FILIP1: variants seen among roughly 807,000 people sequenced by gnomAD.
FILIP1 encodes filamin-A-interacting protein 1.
A neutral mutation model predicts 102.1 loss-of-function variants in FILIP1; 61 were observed. The observed-to-expected ratio is 0.60, with a 90% CI of 0.49 to 0.74. The LOEUF (loss-of-function observed/expected upper bound fraction) is 0.74. FILIP1 is among the 30% of genes least tolerant of loss of function. The pLI is 0.00. For synonymous variants in FILIP1, 491 were observed against 526.9 expected (o/e 0.93, Z 0.93); for missense variants, 1,314 against 1,441.2 (o/e 0.91, Z 1.43).
chr6:75,463,404 G>A (rs1418944405), intron 1 of FILIP1, among the ~76,000 whole-genome samples: 1 of 152,060 alleles, frequency 6.6e-6, no homozygotes, highest in African/African-American at 2.4e-5. Flanking sequence ...AAACTAAAGA[G>A]AAAGAAAAAT....
chr6:75,429,151 A>G (rs907304421), intron 1 of FILIP1, among the ~76,000 whole-genome samples: 1 of 152,130 alleles, frequency 6.6e-6, no homozygotes, highest in African/African-American at 2.4e-5. Context: ...TTCATGTTTC[A>G]ATTTAGAAAA....
chr6:75,292,755 C>G (rs1772573779), exon 7 of FILIP1: 1 of 152,126 alleles, frequency 6.6e-6, no homozygotes, highest in African/African-American at 2.4e-5. Context: ...TGTTGCTCAT[C>G]AGATTCATTA....
rs183836559 is a variant in FILIP1 at position 75,338,724 on chromosome 6, C to T, written c.629+14815G>A. Among the ~76,000 whole-genome samples the T allele has an allele frequency of 2.6e-5, 4 of 152,268 alleles. No homozygotes were observed. In the East Asian group the frequency reaches 7.7e-4, roughly 29 times the overall value. ...ATGTCTGCCAATTTAGAGCAGAATT[C>T]CCAGAGTTTTTTATTCCAGAAGAAT... On this transcript the variant is annotated intron_variant, in intron 4 of 5. Transcript: ENST00000237172.
chr6:75,343,582 G>A (rs1774483541), intron 4 of FILIP1, among the ~76,000 whole-genome samples: 1 of 152,114 alleles, frequency 6.6e-6, no homozygotes. Flanking sequence ...AACAAAAATT[G>A]GATCCACTTG....
downstream of FILIP1, among the ~76,000 whole-genome samples, chr6:75,307,904 G>A (rs1199085578): frequency 6.6e-6 from 1 of 152,076 alleles, no homozygotes; most frequent in East Asian, 1.9e-4. Flanking sequence ...AGCTATAAAA[G>A]GCCATTTGGC....
At chr6:75,431,042 T>C (rs1777806056) in intron 1 of FILIP1, among the ~76,000 whole-genome samples, 1 of 152,206 alleles carries the variant, frequency 6.6e-6, no homozygotes, top group Non-Finnish European at 1.5e-5. Context: ...ATAATAAGAC[T>C]ACACTCTGAG....
At chr6:75,295,680 A>G in exon 7 of FILIP1, 2 of 357,022 alleles carry the variant, frequency 5.6e-6, no homozygotes, top group Non-Finnish European at 1.0e-5. Context: ...TTGCAAAAAG[A>G]AATTTCTTTT....
At chr6:75,484,733 T>C (rs987424735) in intron 1 of FILIP1, among the ~76,000 whole-genome samples, 2 of 152,184 alleles carry the variant, frequency 1.3e-5, no homozygotes, top group African/African-American at 4.8e-5. Context: ...TCCTTTTGGT[T>C]TCCTGTAAGG....
At chr6:75,322,787 G>A (rs76547642) in intron 4 of FILIP1, among the ~76,000 whole-genome samples, 10,903 of 152,082 alleles carry the variant, frequency 0.072, 444 homozygotes, top group African/African-American at 0.098. Context: ...TCAGCCTCCC[G>A]GGTTAAAATG....
At chr6:75,342,276 T>C (rs1774440029) in intron 4 of FILIP1, among the ~76,000 whole-genome samples, 1 of 152,188 alleles carries the variant, frequency 6.6e-6, no homozygotes, top group South Asian at 2.1e-4. Flanking sequence ...GATCAGATAA[T>C]CCTCTGAAGG....
downstream of FILIP1, among the ~76,000 whole-genome samples, chr6:75,304,070 A>AAT (rs1173701951): frequency 1.3e-5 from 2 of 152,052 alleles, no homozygotes; most frequent in Non-Finnish European, 2.9e-5. Flanking sequence ...CATTTGGAAA[A>AAT]ATATATATAT....
At chr6:75,414,239 T>C (rs1777174815) in intron 2 of FILIP1, among the ~76,000 whole-genome samples, 1 of 151,890 alleles carries the variant, frequency 6.6e-6, no homozygotes, top group Non-Finnish European at 1.5e-5. Context: ...GCAATAAGGC[T>C]GGTTTCAACA....
At chr6:75,473,132 A>G (rs1019621933) in intron 1 of FILIP1, among the ~76,000 whole-genome samples, 2 of 152,198 alleles carry the variant, frequency 1.3e-5, no homozygotes, top group South Asian at 4.1e-4. Context: ...TAAATTTGAG[A>G]AGATCATATG....
chr6:75,304,983 G>A (rs1307636967), downstream of FILIP1, among the ~76,000 whole-genome samples: 1 of 152,172 alleles, frequency 6.6e-6, no homozygotes, highest in Non-Finnish European at 1.5e-5. Context: ...AAGGAGACTG[G>A]GCAGTAGCTA....
At chr6:75,428,187 A>G (rs187766317) in intron 1 of FILIP1, among the ~76,000 whole-genome samples, 193 of 152,222 alleles carry the variant, frequency 1.3e-3, no homozygotes, top group African/African-American at 4.5e-3. Context: ...TCTCAGTCCA[A>G]TATTACTTTC....
Position 75,488,471 on chromosome 6 carries a change from C to A in FILIP1, c.-7+4943G>T, listed in dbSNP as rs537404358. Among the ~76,000 whole-genome samples the A allele has an allele frequency of 2.0e-5, 3 of 151,672 alleles. No homozygotes were observed. The South Asian group carries it at 6.2e-4, about 32-fold the overall frequency. ...AAAAAAAAAAACATAATCCAATATA[C>A]TTTCCTGAGGTTTCTATATTTTTGC... On this transcript the variant is annotated intron_variant, in intron 1 of 5. Coordinates refer to ENST00000237172, the MANE Select transcript of FILIP1 (RefSeq NM_015687.5).
chr6:75,454,184 T>C (rs1432335358), intron 1 of FILIP1, among the ~76,000 whole-genome samples: 1 of 152,214 alleles, frequency 6.6e-6, no homozygotes. Flanking sequence ...AGCAGGATTA[T>C]GGTCCTTACA....
intron 2 of FILIP1, among the ~76,000 whole-genome samples, chr6:75,402,971 T>G (rs889580650): frequency 1.3e-5 from 2 of 152,176 alleles, no homozygotes; most frequent in Non-Finnish European, 1.5e-5. Flanking sequence ...AACAATGATA[T>G]GCCTAACCCT....
At chr6:75,321,204 A>G (rs1773640527) in intron 4 of FILIP1, among the ~76,000 whole-genome samples, 1 of 152,114 alleles carries the variant, frequency 6.6e-6, no homozygotes, top group African/African-American at 2.4e-5. Flanking sequence ...CATTGTGCCC[A>G]GACTGTTGTC....
Sources: gnomAD v4.1 joint callset for allele counts (sites outside exome capture counted in the v4.1 genomes callset) on GRCh38, gnomAD v4.1.1 for gene constraint, MANE v1.5 for transcripts, NCBI Gene and HGNC (gene_info 2026-07-23, HGNC 2026-07-21) for gene names.